ERMP1: variants seen among roughly 807,000 people sequenced by gnomAD.
The protein encoded by ERMP1 is Felix-ina.
Under a neutral mutation model 92.0 loss-of-function variants are expected in ERMP1, and 86 were observed. The ratio of observed to expected loss-of-function variants is 0.93; its 90% CI spans 0.79 to 1.12. The LOEUF (loss-of-function observed/expected upper bound fraction) is 1.12. Among genes scored for constraint, ERMP1 ranks in the 50% most tolerant of loss-of-function variants. ERMP1 has a pLI of 0.00. For missense variants in ERMP1, 1,342 were observed against 1,116.3 expected (o/e 1.20, Z -2.88); for synonymous variants, 530 against 412.8 (o/e 1.28, Z -3.44).
chr9:5,793,428 T>C (rs1341231996), intron 13 of ERMP1, among the ~76,000 whole-genome samples: 1 of 152,112 alleles, frequency 6.6e-6, no homozygotes, highest in Non-Finnish European at 1.5e-5. Context: ...TTAACTAATA[T>C]GGTAGCTATT....
chr9:5,811,555 A>C (rs1829096373), intron 6 of ERMP1, among the ~76,000 whole-genome samples: 1 of 151,970 alleles, frequency 6.6e-6, no homozygotes, highest in Non-Finnish European at 1.5e-5. Context: ...GCCTTTCTCC[A>C]TTTCCTCTCC....
At chr9:5,808,691 C>T (rs190353574) in intron 8 of ERMP1, among the ~76,000 whole-genome samples, 5 of 152,330 alleles carry the variant, frequency 3.3e-5, no homozygotes, top group Admixed American at 6.5e-5. Flanking sequence ...CATGACTCTT[C>T]ACTGTAATTC....
At chr9:5,790,170 T>C (rs1055348647) in intron 13 of ERMP1, among the ~76,000 whole-genome samples, 1 of 126,954 alleles carries the variant, frequency 7.9e-6, no homozygotes, top group Non-Finnish European at 1.7e-5. Context: ...AAACAATACC[T>C]TTTTTTTTTT....
chr9:5,858,328 G>C (rs989427813), intron 6 of ERMP1, among the ~76,000 whole-genome samples: 1 of 152,200 alleles, frequency 6.6e-6, no homozygotes, highest in Non-Finnish European at 1.5e-5. Flanking sequence ...GAGAGGGACA[G>C]GTTAAAGCAC....
intron 14 of ERMP1, 57 bp downstream of exon 14, chr9:5,787,373 G>C: frequency 6.2e-7 from 1 of 1,602,728 alleles, no homozygotes; most frequent in Non-Finnish European, 8.5e-7. Context: ...CAAGGTTCTT[G>C]CTAAATACCA....
At chr9:5,835,425 T>C (rs1469761666), upstream of ERMP1, among the ~76,000 whole-genome samples, 1 of 152,042 alleles carries the variant, frequency 6.6e-6, no homozygotes, top group African/African-American at 2.4e-5. Flanking sequence ...AGCAGGGAAA[T>C]TGAGACTGAC....
chr9:5,801,226 G>C lies in ERMP1; in HGVS notation c.2017C>G (p.Pro673Ala). 6.2e-7 allele frequency: 1 copy of C among 1,613,680 alleles called. No homozygotes were observed. Among genetic ancestry groups the C allele is most frequent in the Non-Finnish European group, 8.5e-7 (1 of 1,179,806 alleles). The change falls in exon 11 of 15, where the codon CCA becomes GCA. Residue 673 changes from proline (P) to alanine (A), a missense_variant. Coordinates refer to ENST00000339450, the MANE Select transcript of ERMP1 (RefSeq NM_024896.3). ...GGATTAGCAGGATTGGAGCTATATG[G>C]AAAAAATGTTCCACTGCAAACAAGG... ...FLLVCSGTFF[P>A]YSSNPANPKP...
chr9:5,850,696 T>C (rs948034826), intron 6 of ERMP1, among the ~76,000 whole-genome samples: 1 of 152,134 alleles, frequency 6.6e-6, no homozygotes, highest in African/African-American at 2.4e-5. Context: ...TTCAGTTAAT[T>C]TGGATGGTGC....
chr9:5,799,699 G>C (rs927069874), intron 11 of ERMP1, among the ~76,000 whole-genome samples: 2 of 152,160 alleles, frequency 1.3e-5, no homozygotes, highest in African/African-American at 2.4e-5. Context: ...AGACTGTATT[G>C]CTGACAAAGC....
In ERMP1 at chr9:5,824,466, G is replaced by A. The variant is rs570646958; in HGVS notation, c.769-465C>T. 6.6e-5 allele frequency among the ~76,000 whole-genome samples: 10 copies of A among 152,108 alleles called. 1 individual carries two copies. Among genetic ancestry groups the A allele is most frequent in the South Asian group, 2.1e-4 (1 of 4,822 alleles). ...GGCCCAGGCTGGAGTGCAATGGCTCGATCTCGGATCACCGCAATCTCCACG... is the reference window on the plus strand; with the variant it reads ...GGCCCAGGCTGGAGTGCAATGGCTCAATCTCGGATCACCGCAATCTCCACG... On this transcript the variant is annotated intron_variant, in intron 3 of 14. Transcript: ENST00000339450.
chr9:5,808,018 C>T (rs1586790073), intron 8 of ERMP1, among the ~76,000 whole-genome samples: 1 of 151,950 alleles, frequency 6.6e-6, no homozygotes, highest in African/African-American at 2.4e-5. Context: ...GAGATGTGGT[C>T]TCACTTATAT....
intron 6 of ERMP1, among the ~76,000 whole-genome samples, chr9:5,847,613 C>T (rs1243089519): frequency 1.3e-5 from 2 of 151,542 alleles, no homozygotes; most frequent in South Asian, 2.1e-4. Flanking sequence ...AAAACAAAAT[C>T]GGCCAGGCGC....
At chr9:5,816,874 GAT>G (rs1586804782) in intron 4 of ERMP1, among the ~76,000 whole-genome samples, 1 of 151,164 alleles carries the variant, frequency 6.6e-6, no homozygotes, top group East Asian at 1.9e-4. Flanking sequence ...TTTGACCTTA[GAT>G]CATCTAACTA....
chr9:5,794,406 G>A (rs1436451021), intron 13 of ERMP1, among the ~76,000 whole-genome samples: 1 of 151,844 alleles, frequency 6.6e-6, no homozygotes, highest in Non-Finnish European at 1.5e-5. Flanking sequence ...TAAATCCAAA[G>A]TAAACAGAAG....
Position 5,787,128 on chromosome 9 carries a change from G to C in ERMP1, c.*16C>G, listed in dbSNP as rs774852564. The C allele has an allele frequency of 5.6e-6, 9 of 1,608,280 alleles. No individual in the cohort carries two copies. The highest frequency in any genetic ancestry group is 7.6e-6 in the Non-Finnish European group (9 of 1,176,908). ...GGAGTATCCACTGGGCATGTACTTA[G>C]AGCTCATCCACAAGATTAAAATACA... On this transcript the variant is annotated 3_prime_UTR_variant, in exon 15 of 15. Transcript: ENST00000339450.
chr9:5,787,448 C>T lies in ERMP1; in HGVS notation c.2532G>A (p.Gln844=). ...TTGGCACCTGCACTTCTATCCAGAA[C>T]TGCCATGCAGAGGCCTGGAGTCCAT... ...YSHGLQASAW[Q]FWIEVQVSEE... Residue 844 remains glutamine, a synonymous_variant, in exon 14 of 15, where the codon CAG becomes CAA. Transcript: ENST00000339450. The T allele has an allele frequency of 6.2e-7, 1 of 1,613,384 alleles. No homozygotes were observed. Among genetic ancestry groups the T allele is most frequent in the East Asian group, 2.2e-5 (1 of 44,880 alleles).
chr9:5,812,838 G>A, intron 5 of ERMP1, 51 bp downstream of exon 5: 1 of 1,601,218 alleles, frequency 6.2e-7, no homozygotes, highest in Non-Finnish European at 8.6e-7. Context: ...TTTAAAATTT[G>A]CTTTTGATAA....
At chr9:5,803,605 T>A (rs1485788107) in intron 10 of ERMP1, among the ~76,000 whole-genome samples, 1 of 152,184 alleles carries the variant, frequency 6.6e-6, no homozygotes, top group Admixed American at 6.5e-5. Flanking sequence ...TGTGGGGGCA[T>A]TCAGTTCATA....
intron 12 of ERMP1, among the ~76,000 whole-genome samples, chr9:5,798,511 C>G (rs1828539488): frequency 6.6e-6 from 1 of 152,166 alleles, no homozygotes; most frequent in South Asian, 2.1e-4. Flanking sequence ...CCACCGTGCC[C>G]GGCCACAATT....
Sources: allele counts gnomAD v4.1 joint callset (sites outside exome capture counted in the v4.1 genomes callset), GRCh38; gene constraint gnomAD v4.1.1; transcripts MANE v1.5; gene names NCBI Gene and HGNC (gene_info 2026-07-23, HGNC 2026-07-21).